The following TRABD2B variants were observed in gnomAD, a reference collection of about 807,000 sequenced individuals.
TRABD2B encodes the protein metalloprotease TIKI2.
Under a neutral mutation model 40.1 loss-of-function variants are expected in TRABD2B, and 14 were observed. The ratio of observed to expected loss-of-function variants is 0.35; its 90% CI spans 0.23 to 0.55. The LOEUF is 0.55. Among genes scored for constraint, TRABD2B ranks in the 20% least tolerant of loss-of-function variants. TRABD2B has a pLI of 0.90. For synonymous variants in TRABD2B, 263 were observed against 277.0 expected (o/e 0.95, Z 0.50); for missense variants, 541 against 648.6 (o/e 0.83, Z 1.80).
chr1:47,937,088 T>TACCATGATCATCACCACCACC (rs1557667324), intron 2 of TRABD2B, among the ~76,000 whole-genome samples: 6 of 83,580 alleles, frequency 7.2e-5, no homozygotes, highest in African/African-American at 2.9e-4. Context: ...TCATCACCAC[T>TACCATGATCATCACCACCACC]ACCATGATCA....
At chr1:47,958,418 C>T (rs1321922505) in intron 2 of TRABD2B, among the ~76,000 whole-genome samples, 2 of 144,812 alleles carry the variant, frequency 1.4e-5, no homozygotes, top group African/African-American at 2.5e-5. Context: ...GACTGGCAAA[C>T]TGGATAAAGA....
intron 2 of TRABD2B, among the ~76,000 whole-genome samples, chr1:47,853,981 G>A (rs551149299): frequency 1.3e-5 from 2 of 152,324 alleles, no homozygotes; most frequent in African/African-American, 4.8e-5. Flanking sequence ...CTTACAGAGA[G>A]ACTATAATGA....
At chr1:47,810,340 G>C (rs1570007832) in intron 2 of TRABD2B, among the ~76,000 whole-genome samples, 1 of 151,970 alleles carries the variant, frequency 6.6e-6, no homozygotes, top group Non-Finnish European at 1.5e-5. Context: ...AATAAACTAG[G>C]ACAACAAGTT....
intron 2 of TRABD2B, among the ~76,000 whole-genome samples, chr1:47,812,688 C>T (rs1644981314): frequency 6.6e-6 from 1 of 152,138 alleles, no homozygotes. Flanking sequence ...CACTATACTG[C>T]AGCCTGGGCA....
In TRABD2B at chr1:47,829,674, C is replaced by T. The variant is rs181218951; in HGVS notation, c.667-28055G>A. Among the ~76,000 whole-genome samples, 7 of 152,316 alleles carry T rather than the reference C, an allele frequency of 4.6e-5. No individual in the cohort carries two copies. In the East Asian group the frequency reaches 1.4e-3, roughly 29 times the overall value. ...TCCTTATCCTGTCCCCTTCACTTCA[C>T]TCGTCATCAGTTCTAAGATTTAAAT... On this transcript the variant is annotated intron_variant, in intron 2 of 6. Coordinates refer to ENST00000606738, the MANE Select transcript of TRABD2B (RefSeq NM_001194986.2).
chr1:47,794,401 T>C (rs1644715986), intron 4 of TRABD2B, among the ~76,000 whole-genome samples, 185 bp downstream of exon 4: 4 of 152,116 alleles, frequency 2.6e-5, no homozygotes, highest in African/African-American at 9.7e-5. Flanking sequence ...GGGACCGTTA[T>C]GGAAGAACCC....
At chr1:47,898,306 T>C (rs1482386758) in intron 2 of TRABD2B, among the ~76,000 whole-genome samples, 1 of 152,162 alleles carries the variant, frequency 6.6e-6, no homozygotes, top group Non-Finnish European at 1.5e-5. Flanking sequence ...CTGCTCTGGC[T>C]CTCCCTCTGA....
intron 2 of TRABD2B, among the ~76,000 whole-genome samples, chr1:47,839,848 G>A (rs1229817158): frequency 6.6e-6 from 1 of 152,198 alleles, no homozygotes; most frequent in Non-Finnish European, 1.5e-5. Flanking sequence ...AGAACCCCTG[G>A]CTACCTGGTA....
chr1:47,810,943 C>T (rs891575519), intron 2 of TRABD2B, among the ~76,000 whole-genome samples: 4 of 152,194 alleles, frequency 2.6e-5, no homozygotes, highest in African/African-American at 9.7e-5. Context: ...CCAGGGAGGA[C>T]AAGGCGGGAG....
At chr1:47,820,746 G>T (rs1336787046) in intron 2 of TRABD2B, among the ~76,000 whole-genome samples, 1 of 150,840 alleles carries the variant, frequency 6.6e-6, no homozygotes, top group African/African-American at 2.4e-5. Context: ...TAAGGCAACA[G>T]ATACCATTTA....
At chr1:47,853,540 G>T (rs1643858586) in intron 2 of TRABD2B, among the ~76,000 whole-genome samples, 2 of 152,164 alleles carry the variant, frequency 1.3e-5, no homozygotes, top group Non-Finnish European at 2.9e-5. Flanking sequence ...TCAGAACCAG[G>T]AAAGTCACGC....
chr1:47,881,644 T>C (rs976152705), intron 2 of TRABD2B, among the ~76,000 whole-genome samples: 1 of 152,198 alleles, frequency 6.6e-6, no homozygotes, highest in African/African-American at 2.4e-5. Flanking sequence ...TCTACATGTA[T>C]CCTCGTAAGT....
chr1:47,768,257 G>T (rs546956186), intron 6 of TRABD2B, among the ~76,000 whole-genome samples: 1 of 152,302 alleles, frequency 6.6e-6, no homozygotes, highest in Admixed American at 6.5e-5. Context: ...ATCAGGAGGG[G>T]AGGGAGCAAA....
intron 3 of TRABD2B, among the ~76,000 whole-genome samples, chr1:47,796,387 C>G (rs1035309853): frequency 1.3e-5 from 2 of 152,116 alleles, no homozygotes; most frequent in African/African-American, 4.8e-5. Context: ...GGATGGAGAG[C>G]CTGGCATGAA....
At chr1:47,941,381 C>T (rs1388861034) in intron 2 of TRABD2B, among the ~76,000 whole-genome samples, 1 of 152,184 alleles carries the variant, frequency 6.6e-6, no homozygotes, top group Non-Finnish European at 1.5e-5. Flanking sequence ...AATATACACA[C>T]AAACACACTT....
chr1:47,901,383 T>C (rs570268658), intron 2 of TRABD2B, among the ~76,000 whole-genome samples: 28 of 152,292 alleles, frequency 1.8e-4, no homozygotes, highest in African/African-American at 6.5e-4. Context: ...TCTCCCTTCC[T>C]AGGGAAGTCT....
intron 5 of TRABD2B, among the ~76,000 whole-genome samples, chr1:47,777,760 A>C (rs544446228): frequency 4.6e-4 from 70 of 152,120 alleles, no homozygotes; most frequent in Non-Finnish European, 9.6e-4. Context: ...GGATCCTGTC[A>C]CTGACCTCTG....
chr1:47,876,594 T>C (rs1048569049), intron 2 of TRABD2B, among the ~76,000 whole-genome samples: 9 of 152,172 alleles, frequency 5.9e-5, no homozygotes, highest in African/African-American at 1.9e-4. Flanking sequence ...TCTGGAGAAG[T>C]ACAGGTTCAT....
chr1:47,948,147 G>A (rs915234042), intron 2 of TRABD2B, among the ~76,000 whole-genome samples: 1 of 152,126 alleles, frequency 6.6e-6, no homozygotes, highest in Non-Finnish European at 1.5e-5. Flanking sequence ...AAATCTTAGG[G>A]TCAAAGATTC....
Sources: allele counts gnomAD v4.1 joint callset (sites outside exome capture counted in the v4.1 genomes callset), GRCh38; gene constraint gnomAD v4.1.1; transcripts MANE v1.5; gene names NCBI Gene and HGNC (gene_info 2026-07-23, HGNC 2026-07-21).